SFMBT2: variants seen among roughly 807,000 people sequenced by gnomAD.
The protein encoded by SFMBT2 is scm-like with four MBT domains protein 2.
Under a neutral mutation model 110.1 loss-of-function variants are expected in SFMBT2, and 38 were observed. The observed-to-expected ratio is 0.35, with a 90% CI of 0.27 to 0.45. The LOEUF (loss-of-function observed/expected upper bound fraction) is 0.45. Ranked by LOEUF, SFMBT2 falls within the 20% of genes least tolerant of loss-of-function variation. The probability of loss-of-function intolerance (pLI) is 1.00; values close to 1 mark genes in which losing one functional copy is unlikely to be tolerated. For missense variants in SFMBT2, 1,011 were observed against 1,094.9 expected, an observed-to-expected ratio of 0.92 and a Z score of 1.08; for synonymous variants, 425 against 425.4, an observed-to-expected ratio of 1.00 and a Z score of 0.01.
chr10:7,370,749 C>A (rs1047741711), intron 2 of SFMBT2: 1 of 839,704 alleles, frequency 1.2e-6, no homozygotes, highest in South Asian at 5.4e-5. Flanking sequence ...ACCCATCGTG[C>A]GCTGAGCAAG....
chr10:7,336,616 TG>T (rs1843722700), intron 4 of SFMBT2, among the ~76,000 whole-genome samples: 1 of 152,092 alleles, frequency 6.6e-6, no homozygotes, highest in South Asian at 2.1e-4. Flanking sequence ...ATCATGCCAC[TG>T]CATTACAGCC....
intron 4 of SFMBT2, among the ~76,000 whole-genome samples, chr10:7,318,833 T>C (rs1256870343): frequency 6.6e-6 from 1 of 152,234 alleles, no homozygotes; most frequent in East Asian, 1.9e-4. Context: ...TGATTTTATT[T>C]GTACACAATT....
At chr10:7,407,512 G>A (rs1200332169) in intron 1 of SFMBT2, among the ~76,000 whole-genome samples, 8 of 152,156 alleles carry the variant, frequency 5.3e-5, no homozygotes, top group Admixed American at 5.2e-4. Context: ...GGAGCCCTCA[G>A]GACGCGGCTG....
At chr10:7,261,814 G>A (rs1440317740) in intron 7 of SFMBT2, among the ~76,000 whole-genome samples, 10 of 152,212 alleles carry the variant, frequency 6.6e-5, no homozygotes, top group Non-Finnish European at 2.9e-5. Context: ...TGGCACTGGC[G>A]ACAAAACTGG....
chr10:7,226,319 C>T (rs897818689), intron 10 of SFMBT2, among the ~76,000 whole-genome samples: 1 of 152,248 alleles, frequency 6.6e-6, no homozygotes, highest in Non-Finnish European at 1.5e-5. Context: ...TCTGTATTTA[C>T]AAGTACCAGC....
intron 1 of SFMBT2, among the ~76,000 whole-genome samples, chr10:7,400,963 T>C (rs1372411220): frequency 1.3e-5 from 2 of 151,940 alleles, no homozygotes; most frequent in African/African-American, 4.8e-5. Context: ...TGAAACCCCG[T>C]CTCTACTAAA....
Position 7,316,174 on chromosome 10 carries a change from G to A in SFMBT2, c.437-30220C>T, listed in dbSNP as rs9919447. Among the ~76,000 whole-genome samples, 983 of 152,306 alleles carry A rather than the reference G, an allele frequency of 6.5e-3. 17 individuals are homozygous for A. The highest frequency in any genetic ancestry group is 0.023 in the African/African-American group (936 of 41,560). On this transcript the variant is annotated intron_variant, in intron 4 of 20. Transcript: ENST00000397167. ...CAATGTTCTAATTAGTGAATGGGTT[G>A]TGTTGGATTTTTATCAGAATGGCAA...
intron 4 of SFMBT2, among the ~76,000 whole-genome samples, chr10:7,315,030 GAAAGAAAGAGA>G (rs1156578020): frequency 1.9e-3 from 253 of 130,210 alleles, no homozygotes; most frequent in Non-Finnish European, 3.1e-3. Flanking sequence ...GAGAGAGAAA[GAAAGAAAGAGA>G]AAGAAAGAAA....
chr10:7,175,211 G>A (rs1201762049), intron 17 of SFMBT2, among the ~76,000 whole-genome samples: 1 of 152,228 alleles, frequency 6.6e-6, no homozygotes. Context: ...GGAGACGCAG[G>A]AAACTCAGAA....
Position 7,196,722 on chromosome 10 carries a change from A to G in SFMBT2, c.1698+826T>C, listed in dbSNP as rs116266668. 1.3e-3 allele frequency among the ~76,000 whole-genome samples: 200 copies of G among 152,374 alleles called. 1 individual carries two copies. Among genetic ancestry groups the G allele is most frequent in the African/African-American group, 3.6e-3 (150 of 41,588 alleles). ...AATTTTAAGAAACATTCATCATGGT[A>G]CGGTGGCAATAGAGAATATCCATTT... On this transcript the variant is annotated intron_variant, in intron 15 of 20. Coordinates refer to ENST00000397167, the MANE Select transcript of SFMBT2 (RefSeq NM_001387889.1).
rs537433206 is a variant in SFMBT2, at chr10:7,199,270, T to C, written c.1558+1144A>G. On this transcript the variant is annotated intron_variant, in intron 14 of 20. Transcript: ENST00000397167. ...CTGGAATTACAGGCATGAGCCACCATGCTGGGCCAAAAGTTTCTTAATGTC... is the reference window on the plus strand; with the variant it reads ...CTGGAATTACAGGCATGAGCCACCACGCTGGGCCAAAAGTTTCTTAATGTC... Among the ~76,000 whole-genome samples the C allele has an allele frequency of 3.1e-3, 467 of 152,298 alleles. 3 individuals are homozygous for C. The highest frequency in any genetic ancestry group is 4.1e-3 in the Non-Finnish European group (282 of 68,022).
chr10:7,175,646 G>A (rs1489945818), intron 17 of SFMBT2, among the ~76,000 whole-genome samples: 1 of 152,158 alleles, frequency 6.6e-6, no homozygotes, highest in Non-Finnish European at 1.5e-5. Context: ...CTGGGTTACT[G>A]TTACTGTGAT....
chr10:7,368,039 G>A (rs1588486536), intron 3 of SFMBT2, 150 bp from the exon 4 acceptor site: 7 of 1,209,616 alleles, frequency 5.8e-6, no homozygotes, highest in Admixed American at 3.1e-5. Flanking sequence ...ATACACTATG[G>A]AAGCCACAAA....
chr10:7,394,533 G>A lies in SFMBT2; in HGVS notation c.-51-12584C>T, dbSNP rs534166075. 1.3e-3 allele frequency among the ~76,000 whole-genome samples: 152 copies of A among 112,776 alleles called. 1 individual carries two copies. Among genetic ancestry groups the A allele is most frequent in the African/African-American group, 3.4e-3 (95 of 27,650 alleles). 74.0% of individuals were successfully genotyped at this position (112,776 alleles called of 152,430 possible). Reference sequence around the variant, plus strand: ...CCACCCCCCAACAACTCCCCGACACGCTCACCCCCCTGGCAGCTCCCACTG... The same window carrying A: ...CCACCCCCCAACAACTCCCCGACACACTCACCCCCCTGGCAGCTCCCACTG... On this transcript the variant is annotated intron_variant, in intron 1 of 20. Coordinates refer to ENST00000397167, the MANE Select transcript of SFMBT2 (RefSeq NM_001387889.1).
intron 2 of SFMBT2, among the ~76,000 whole-genome samples, chr10:7,374,170 G>A (rs1018246062): frequency 2.0e-5 from 3 of 152,140 alleles, no homozygotes; most frequent in African/African-American, 7.2e-5. Flanking sequence ...GCTGGGGCAG[G>A]AGAATCACTT....
chr10:7,228,269 G>T (rs976761502), intron 9 of SFMBT2: 9 of 359,142 alleles, frequency 2.5e-5, no homozygotes, highest in Non-Finnish European at 3.5e-5. Context: ...CACGCACTGT[G>T]CAGAGATAGA....
At position 7,272,470 on chromosome 10, in the gene SFMBT2, G is replaced by A. The variant is rs896005482; in HGVS notation, c.870+4422C>T. ...TCCCACCAGATATGTCCGAAACCGG[G>A]GGGTTGACAGGAGCTTAAGATATAA... On this transcript the variant is annotated intron_variant, in intron 7 of 20. Coordinates refer to ENST00000397167, the MANE Select transcript of SFMBT2 (RefSeq NM_001387889.1). Among the ~76,000 whole-genome samples the A allele has an allele frequency of 2.6e-5, 4 of 152,174 alleles. No homozygotes were observed. In the East Asian group the frequency reaches 7.7e-4, roughly 29 times the overall value.
intron 11 of SFMBT2, among the ~76,000 whole-genome samples, chr10:7,217,999 C>T (rs1035896833): frequency 7.2e-5 from 11 of 151,986 alleles, no homozygotes; most frequent in Non-Finnish European, 1.2e-4. Flanking sequence ...TTTAGAGACA[C>T]GTAAAGAATG....
rs567140748 is a variant in SFMBT2 at position 7,399,560 on chromosome 10, T to C, written c.-52+11301A>G. 2.0e-5 allele frequency among the ~76,000 whole-genome samples: 3 copies of C among 152,316 alleles called. No individual in the cohort carries two copies. In the South Asian group the frequency reaches 6.2e-4, roughly 32 times the overall value. On this transcript the variant is annotated intron_variant, in intron 1 of 20. Transcript: ENST00000397167. ...CCACCAAATTTTATAAATTATATCA[T>C]TTAAGTGCATGAAGGAAGTTTACTA... is the stretch of plus-strand genomic sequence containing the variant.
Sources: allele counts gnomAD v4.1 joint callset (sites outside exome capture counted in the v4.1 genomes callset), GRCh38; gene constraint gnomAD v4.1.1; transcripts MANE v1.5; gene names NCBI Gene and HGNC (gene_info 2026-07-23, HGNC 2026-07-21).